The following MS4A10 variants were observed in gnomAD, a reference collection of about 807,000 sequenced individuals.
MS4A10 encodes membrane spanning 4-domains A10.
A neutral mutation model predicts 27.7 loss-of-function variants in MS4A10; 27 were observed. The ratio of observed to expected loss-of-function variants is 0.98; its 90% CI spans 0.72 to 1.35. MS4A10 has a LOEUF of 1.35. MS4A10 is among the 40% of genes most tolerant of loss of function. The probability of loss-of-function intolerance (pLI) is 0.00; values close to 1 mark genes in which losing one functional copy is unlikely to be tolerated. For synonymous variants in MS4A10, 139 were observed against 131.2 expected (o/e 1.06, Z -0.41); for missense variants, 338 against 324.7 (o/e 1.04, Z -0.32).
intron 1 of MS4A10, among the ~76,000 whole-genome samples, chr11:60,786,061 C>A (rs879592151): frequency 4.6e-5 from 7 of 151,966 alleles, no homozygotes; most frequent in Admixed American, 3.3e-4. Flanking sequence ...TCTAAGGCAC[C>A]CCACCCCCAA....
intron 1 of MS4A10, among the ~76,000 whole-genome samples, chr11:60,788,954 G>A (rs1854381809): frequency 6.6e-6 from 1 of 152,196 alleles, no homozygotes; most frequent in South Asian, 2.1e-4. Flanking sequence ...GAGGTTGCCA[G>A]GCAAAACTGC....
chr11:60,793,927 G>A, intron 4 of MS4A10, 45 bp from the exon 5 acceptor site: 5 of 1,608,530 alleles, frequency 3.1e-6, no homozygotes, highest in Non-Finnish European at 4.2e-6. Flanking sequence ...CTAGCCCCAG[G>A]TCTCCACCCT....
At chr11:60,794,969 G>A (rs533852510) in intron 5 of MS4A10, among the ~76,000 whole-genome samples, 3 of 152,332 alleles carry the variant, frequency 2.0e-5, no homozygotes, top group South Asian at 4.1e-4. Context: ...ACAGGCGTGA[G>A]CCACCATGCC....
At chr11:60,792,206 A>G in intron 3 of MS4A10, 59 bp from the exon 4 acceptor site, 2 of 1,366,264 alleles carry the variant, frequency 1.5e-6, no homozygotes, top group South Asian at 2.3e-5. Context: ...GGGGGTGGGA[A>G]TTTGTGGGTT....
At position 60,800,943 on chromosome 11, in the gene MS4A10, G is replaced by A. The variant is rs10792294; in HGVS notation, c.*1034G>A. On this transcript the variant is annotated 3_prime_UTR_variant, in exon 8 of 8. Transcript: ENST00000308287. ...CGAGTAGCTGGGATTACAGGCGACC[G>A]CCACCACGCCTGGCTACTTTTTGTA... is the stretch of plus-strand genomic sequence containing the variant. The A allele has an allele frequency of 0.44, 66,705 of 151,716 alleles. 15,717 individuals carry two copies. Among genetic ancestry groups the A allele is most frequent in the East Asian group, 0.87 (4,489 of 5,148 alleles). 9.4% of individuals were successfully genotyped at this position (151,716 alleles called of 1,614,324 possible).
intron 5 of MS4A10, among the ~76,000 whole-genome samples, chr11:60,795,337 A>G (rs1231920637): frequency 1.3e-5 from 2 of 152,068 alleles, no homozygotes; most frequent in Non-Finnish European, 2.9e-5. Context: ...CCAAAGACCC[A>G]TATGTGCCAG....
At chr11:60,790,546 C>A (rs764764122) in intron 2 of MS4A10, 28 bp downstream of exon 2, 76 of 1,612,046 alleles carry the variant, frequency 4.7e-5, no homozygotes, top group Non-Finnish European at 6.2e-5. Context: ...AGGGTCCCAG[C>A]AGTGGGAGGC....
Position 60,801,087 on chromosome 11 carries a change from T to G in MS4A10, c.*1178T>G, listed in dbSNP as rs1428506130. The G allele has an allele frequency of 1.3e-5, 2 of 152,124 alleles. No homozygotes were observed. Among genetic ancestry groups the G allele is most frequent in the African/African-American group, 4.8e-5 (2 of 41,412 alleles). The allele number at this position is 152,124 out of a possible 1,614,324, so 9.4% of individuals were successfully genotyped here. On this transcript the variant is annotated 3_prime_UTR_variant, in exon 8 of 8. Coordinates refer to ENST00000308287, the MANE Select transcript of MS4A10 (RefSeq NM_206893.4). ...GATTACAGGCATGAGCCACCACCCC[T>G]GGCTGAAACCCAATCTTTCAAAACA... is the stretch of plus-strand genomic sequence containing the variant.
In MS4A10 at chr11:60,798,254, G is replaced by A. The variant is rs548245850; in HGVS notation, c.604-142G>A. ...GGGAGTCACACACTGGTCTATGGAA[G>A]TCGCTTCGTCTCTCAAGCCTCAGTT... On this transcript the variant is annotated intron_variant, in intron 6 of 7. Coordinates refer to ENST00000308287, the MANE Select transcript of MS4A10 (RefSeq NM_206893.4). 9.9e-5 allele frequency: 65 copies of A among 655,994 alleles called. No homozygotes were observed. In the South Asian group the frequency reaches 1.1e-3, roughly 12 times the overall value. 40.6% of individuals were successfully genotyped at this position (655,994 alleles called of 1,614,324 possible). A position where few individuals can be genotyped will look rare whatever the true frequency, so the allele number is the denominator to read the frequency against.
In MS4A10 at chr11:60,800,743, G is replaced by T. The variant is rs949635624; in HGVS notation, c.*834G>T. 1 of 151,434 alleles carries T rather than the reference G, an allele frequency of 6.6e-6. No individual in the cohort carries two copies. The highest frequency in any genetic ancestry group is 2.1e-4 in the South Asian group (1 of 4,798). The allele number at this position is 151,434 out of a possible 1,614,324, so 9.4% of individuals were successfully genotyped here. A position where few individuals can be genotyped will look rare whatever the true frequency, so the allele number is the denominator to read the frequency against. ...TAAGGCATTAGGTTCTGAGACAGCG[G>T]CAGAGAGAGCCATGCAAATGTTTAG... On this transcript the variant is annotated 3_prime_UTR_variant, in exon 8 of 8. Transcript: ENST00000308287.
At position 60,795,681 on chromosome 11, in the gene MS4A10, G is replaced by C; in HGVS notation, c.603+16G>C. On this transcript the variant is annotated intron_variant, in intron 6 of 7. Coordinates refer to ENST00000308287, the MANE Select transcript of MS4A10 (RefSeq NM_206893.4). ...ATCTGCAAAGGTAAGACAAGGGCTTGTCTTCCCAGGAAGACAAAAAATGGG... is the reference window on the plus strand; with the variant it reads ...ATCTGCAAAGGTAAGACAAGGGCTTCTCTTCCCAGGAAGACAAAAAATGGG... 1.3e-6 allele frequency: 2 copies of C among 1,519,458 alleles called. No homozygotes were observed. Among genetic ancestry groups the C allele is most frequent in the Non-Finnish European group, 1.8e-6 (2 of 1,132,584 alleles). The allele number at this position is 1,519,458 out of a possible 1,614,324, so 94.1% of individuals were successfully genotyped here.
chr11:60,800,267 C>T lies in MS4A10; in HGVS notation c.*358C>T, dbSNP rs193053082. 2.7e-4 allele frequency: 57 copies of T among 214,970 alleles called. No individual in the cohort carries two copies. Among genetic ancestry groups the T allele is most frequent in the African/African-American group, 1.3e-3 (56 of 43,830 alleles). The allele number at this position is 214,970 out of a possible 1,614,324, so 13.3% of individuals were successfully genotyped here. Reference sequence around the variant, plus strand: ...CCTGGTTCAAGTGATTCTCCTATCTCAGCCTCCCAAGTAGCTGGGACTATA... The same window carrying T: ...CCTGGTTCAAGTGATTCTCCTATCTTAGCCTCCCAAGTAGCTGGGACTATA... On this transcript the variant is annotated 3_prime_UTR_variant, in exon 8 of 8. Coordinates refer to ENST00000308287, the MANE Select transcript of MS4A10 (RefSeq NM_206893.4).
chr11:60,792,854 C>T (rs1854453853), intron 4 of MS4A10, among the ~76,000 whole-genome samples: 6 of 152,192 alleles, frequency 3.9e-5, no homozygotes, highest in Admixed American at 3.9e-4. Flanking sequence ...GTCTTGTCCT[C>T]CCGGAGATCT....
chr11:60,797,740 C>T (rs145058521), intron 6 of MS4A10, among the ~76,000 whole-genome samples: 166 of 152,356 alleles, frequency 1.1e-3, no homozygotes, highest in African/African-American at 3.9e-3. Flanking sequence ...CTTCTGGGGG[C>T]CGTGCTTCTC....
At chr11:60,792,851 C>T (rs927790815) in intron 4 of MS4A10, among the ~76,000 whole-genome samples, 9 of 152,200 alleles carry the variant, frequency 5.9e-5, no homozygotes, top group Non-Finnish European at 1.0e-4. Context: ...TATGTCTTGT[C>T]CTCCCGGAGA....
In MS4A10 at chr11:60,791,705, A is replaced by C. The variant is rs693813; in HGVS notation, c.304-560A>C. ...CCCAATCCCCCTTTCACATCAGTCCACTGTTCTCACTGCCCACAGGATGGG... is the reference window on the plus strand; with the variant it reads ...CCCAATCCCCCTTTCACATCAGTCCCCTGTTCTCACTGCCCACAGGATGGG... On this transcript the variant is annotated intron_variant, in intron 3 of 7. Coordinates refer to ENST00000308287, the MANE Select transcript of MS4A10 (RefSeq NM_206893.4). Among the ~76,000 whole-genome samples, 200 of 152,378 alleles carry C rather than the reference A, an allele frequency of 1.3e-3. 1 individual carries two copies. Among genetic ancestry groups the C allele is most frequent in the Middle Eastern group, 0.01 (3 of 294 alleles).
At chr11:60,786,173 G>GCGCACA (rs1854332445) in intron 1 of MS4A10, among the ~76,000 whole-genome samples, 1 of 139,892 alleles carries the variant, frequency 7.1e-6, no homozygotes, top group African/African-American at 3.1e-5. Context: ...GCACACACAT[G>GCGCACA]CACACACACA....
chr11:60,797,330 T>C (rs559699448), intron 6 of MS4A10, among the ~76,000 whole-genome samples: 42 of 152,302 alleles, frequency 2.8e-4, no homozygotes, highest in African/African-American at 9.6e-4. Flanking sequence ...TGTAGTAAAT[T>C]ATCACAAATT....
At chr11:60,799,134 T>C (rs1328184204) in intron 7 of MS4A10, among the ~76,000 whole-genome samples, 1 of 152,176 alleles carries the variant, frequency 6.6e-6, no homozygotes, top group East Asian at 1.9e-4. Context: ...TGTCTCCATC[T>C]GTAAAGTGGA....
Sources: allele counts gnomAD v4.1 joint callset (sites outside exome capture counted in the v4.1 genomes callset), GRCh38; gene constraint gnomAD v4.1.1; transcripts MANE v1.5; gene names NCBI Gene and HGNC (gene_info 2026-07-23, HGNC 2026-07-21).